Variants in GTF2F2 observed in about 807,000 individuals in gnomAD.
GTF2F2 encodes the protein ATP-dependent helicase GTF2F2.
Under a neutral mutation model 42.2 loss-of-function variants are expected in GTF2F2, and 23 were observed. That is an observed-to-expected ratio of 0.55 (90% CI 0.39 to 0.77). The LOEUF (loss-of-function observed/expected upper bound fraction) is 0.77, where lower values mean the gene tolerates loss of function less well. Ranked by LOEUF, GTF2F2 falls within the 30% of genes least tolerant of loss-of-function variation. The pLI, the probability that GTF2F2 is intolerant of heterozygous loss-of-function variation, is 0.00. For missense variants in GTF2F2, 261 were observed against 287.2 expected, an observed-to-expected ratio of 0.91 and a Z score of 0.66; for synonymous variants, 105 against 100.8, an observed-to-expected ratio of 1.04 and a Z score of -0.25.
At chr13:45,209,474 C>T (rs1873547262) in intron 5 of GTF2F2, among the ~76,000 whole-genome samples, 1 of 152,166 alleles carries the variant, frequency 6.6e-6, no homozygotes, top group Non-Finnish European at 1.5e-5. Flanking sequence ...ACAAGTGGTT[C>T]AGGAGGATCA....
intron 4 of GTF2F2, among the ~76,000 whole-genome samples, chr13:45,166,403 G>T (rs1444458837): frequency 6.6e-6 from 1 of 152,176 alleles, no homozygotes; most frequent in Non-Finnish European, 1.5e-5. Flanking sequence ...TTACTATGAA[G>T]ACATGATGCA....
chr13:45,194,740 G>A (rs2138174193), intron 4 of GTF2F2: 1 of 617,052 alleles, frequency 1.6e-6, no homozygotes, highest in Non-Finnish European at 2.9e-6. Context: ...ATCAGCCTAT[G>A]TATGCAGGAG....
chr13:45,173,727 C>T (rs1370036419), intron 4 of GTF2F2, among the ~76,000 whole-genome samples: 2 of 149,216 alleles, frequency 1.3e-5, no homozygotes, highest in Non-Finnish European at 3.0e-5. Context: ...ACACCATTCT[C>T]CTGCCTCAGC....
chr13:45,187,830 A>G (rs1045492417), intron 4 of GTF2F2, among the ~76,000 whole-genome samples: 2 of 152,244 alleles, frequency 1.3e-5, no homozygotes, highest in Non-Finnish European at 2.9e-5. Context: ...ACTAACATGC[A>G]TTGCTGTTTA....
At chr13:45,186,331 A>G (rs1872423488) in intron 4 of GTF2F2, among the ~76,000 whole-genome samples, 2 of 139,524 alleles carry the variant, frequency 1.4e-5, no homozygotes, top group Admixed American at 7.4e-5. Context: ...TGGCCCCGTC[A>G]CCCAAACTGG....
chr13:45,241,588 G>A (rs1166857425), intron 5 of GTF2F2, among the ~76,000 whole-genome samples: 1 of 151,604 alleles, frequency 6.6e-6, no homozygotes, highest in Non-Finnish European at 1.5e-5. Context: ...ACGGCTAGTG[G>A]CTACCATATT....
chr13:45,261,125 C>T (rs750654889), intron 6 of GTF2F2, among the ~76,000 whole-genome samples: 1 of 151,552 alleles, frequency 6.6e-6, no homozygotes, highest in Non-Finnish European at 1.5e-5. Flanking sequence ...GACCCCATCT[C>T]AAAAAAGAAA....
In GTF2F2 at chr13:45,259,086, T is replaced by C. The variant is rs1566153868; in HGVS notation, c.486+6116T>C. Among the ~76,000 whole-genome samples, 3 of 152,340 alleles carry C rather than the reference T, an allele frequency of 2.0e-5. No individual in the cohort carries two copies. The East Asian group carries it at 5.8e-4, about 29-fold the overall frequency. The stretch of plus-strand genomic sequence containing the variant: ...ATCATGTCCTCTGTTGTCTAGACAT[T>C]TGTTTTCGGTGTTGCTGTATACTAG... On this transcript the variant is annotated intron_variant, in intron 6 of 7. Transcript: ENST00000340473.
At chr13:45,167,396 A>ATTTTTTTTT (rs761750778) in intron 4 of GTF2F2, among the ~76,000 whole-genome samples, 1 of 104,282 alleles carries the variant, frequency 9.6e-6, no homozygotes, top group Non-Finnish European at 1.9e-5. Context: ...TCACCCAGCT[A>ATTTTTTTTT]TTTTTTTTTT....
At chr13:45,179,568 C>T (rs573445873) in intron 4 of GTF2F2, among the ~76,000 whole-genome samples, 2 of 152,288 alleles carry the variant, frequency 1.3e-5, no homozygotes, top group East Asian at 1.9e-4. Flanking sequence ...AAATGAACTC[C>T]TGTTAGACTT....
At chr13:45,171,152 A>T (rs1038966880) in intron 4 of GTF2F2, among the ~76,000 whole-genome samples, 1 of 133,584 alleles carries the variant, frequency 7.5e-6, no homozygotes, top group South Asian at 2.2e-4. Flanking sequence ...ATCTTGGCTC[A>T]CTGCAACCTC....
At chr13:45,241,102 G>A (rs962462430) in intron 5 of GTF2F2, among the ~76,000 whole-genome samples, 27 of 151,182 alleles carry the variant, frequency 1.8e-4, no homozygotes, top group African/African-American at 5.6e-4. Flanking sequence ...GCAGTGTGTC[G>A]TGATCATACC....
intron 4 of GTF2F2, among the ~76,000 whole-genome samples, chr13:45,163,790 G>A (rs908850332): frequency 6.6e-6 from 1 of 152,088 alleles, no homozygotes; most frequent in East Asian, 1.9e-4. Context: ...TCCCTCTGCA[G>A]TATAGCATTA....
At chr13:45,192,685 T>G (rs551054527) in intron 4 of GTF2F2, among the ~76,000 whole-genome samples, 2 of 152,330 alleles carry the variant, frequency 1.3e-5, no homozygotes, top group South Asian at 4.1e-4. Flanking sequence ...AAAACGTAAT[T>G]TTTAAAAATA....
At chr13:45,175,036 C>G (rs1336225108) in intron 4 of GTF2F2, among the ~76,000 whole-genome samples, 2 of 152,156 alleles carry the variant, frequency 1.3e-5, no homozygotes, top group African/African-American at 2.4e-5. Context: ...TGTAATAGAA[C>G]AGTAGAACTT....
chr13:45,248,463 G>GT (rs1235986906), intron 5 of GTF2F2, among the ~76,000 whole-genome samples: 2 of 151,394 alleles, frequency 1.3e-5, no homozygotes, highest in African/African-American at 4.8e-5. Context: ...TGTGTGTTTT[G>GT]TTTTTTTGGT....
intron 5 of GTF2F2, among the ~76,000 whole-genome samples, chr13:45,234,860 A>T (rs1376289568): frequency 6.6e-6 from 1 of 152,050 alleles, no homozygotes; most frequent in Non-Finnish European, 1.5e-5. Context: ...AGCCTGACCA[A>T]CATGGAGCAA....
intron 4 of GTF2F2, among the ~76,000 whole-genome samples, chr13:45,162,813 A>G (rs770676020): frequency 2.6e-5 from 4 of 152,356 alleles, no homozygotes; most frequent in Non-Finnish European, 4.4e-5. Context: ...TTTCAAACCT[A>G]CAGAAAAGTA....
intron 4 of GTF2F2, among the ~76,000 whole-genome samples, chr13:45,171,655 C>T (rs978784824): frequency 1.3e-5 from 2 of 152,108 alleles, no homozygotes; most frequent in Non-Finnish European, 2.9e-5. Flanking sequence ...ATACAATTCA[C>T]CCATTTAAAG....
Sources: gnomAD v4.1 joint callset for allele counts (sites outside exome capture counted in the v4.1 genomes callset) on GRCh38, gnomAD v4.1.1 for gene constraint, MANE v1.5 for transcripts, NCBI Gene and HGNC (gene_info 2026-07-23, HGNC 2026-07-21) for gene names.